BCKDK: variants seen among roughly 807,000 people sequenced by gnomAD.
BCKDK encodes branched chain keto acid dehydrogenase kinase, also known as branched-chain alpha-ketoacid dehydrogenase kinase.
BCKDK carries 28 observed loss-of-function variants against 43.9 expected under a neutral mutation model. The ratio of observed to expected loss-of-function variants is 0.64; its 90% CI spans 0.47 to 0.87. BCKDK has a LOEUF of 0.87. BCKDK is among the 40% of genes least tolerant of loss of function. The pLI is 0.00. For synonymous variants in BCKDK, 257 were observed against 234.3 expected, an observed-to-expected ratio of 1.10 and a Z score of -0.88; for missense variants, 483 against 581.4, an observed-to-expected ratio of 0.83 and a Z score of 1.74.
Position 31,110,672 on chromosome 16 carries a change from T to G in BCKDK, c.643-16T>G. On this transcript the variant is annotated splice_polypyrimidine_tract_variant and intron_variant, in intron 7 of 11. Transcript: ENST00000219794. The surrounding 1 kb of genome is among the most constrained non-coding windows in gnomAD (Gnocchi z 5.4). ...GCTAGGGGCGTGGGTAGTCCTGACC[T>G]CCTTTCTCCGGCCAGCCTGACTTTG... The G allele has an allele frequency of 6.2e-7, 1 of 1,613,902 alleles. No homozygotes were observed.
downstream of BCKDK, among the ~76,000 whole-genome samples, chr16:31,117,080 A>T (rs1156357207): frequency 6.6e-6 from 1 of 151,760 alleles, no homozygotes; most frequent in African/African-American, 2.4e-5. Flanking sequence ...GCCTTTAAAA[A>T]GGTTCAGCTG....
Position 31,112,402 on chromosome 16 carries a change from A to C in BCKDK, c.*137A>C. On this transcript the variant is annotated 3_prime_UTR_variant, in exon 12 of 12. Coordinates refer to ENST00000219794, the MANE Select transcript of BCKDK (RefSeq NM_005881.4). The surrounding 1 kb of genome is among the most constrained non-coding windows in gnomAD (Gnocchi z 5.0). ...CAGGGACCCAGACAGATGGACTTAC[A>C]TGGAGCTGGGCACTGCCCTGCCTCA... 8.7e-6 allele frequency: 12 copies of C among 1,380,664 alleles called. No homozygotes were observed. The highest frequency in any genetic ancestry group is 1.2e-5 in the Non-Finnish European group (12 of 999,910). 85.5% of individuals were successfully genotyped at this position (1,380,664 alleles called of 1,614,324 possible). A position where few individuals can be genotyped will look rare whatever the true frequency, so the allele number is the denominator to read the frequency against.
At chr16:31,111,830 A>G (rs1434755955) in intron 10 of BCKDK, 39 bp from the exon 11 acceptor site, 1 of 1,611,354 alleles carries the variant, frequency 6.2e-7, no homozygotes, top group Non-Finnish European at 8.5e-7. Context: ...GTACCCCATC[A>G]AAGCTGAGCC....
rs748108797 is a variant in BCKDK at position 31,109,543 on chromosome 16, C to G, written c.228C>G (p.Leu76=). 4 of 1,614,006 alleles carry G rather than the reference C, an allele frequency of 2.5e-6. No homozygotes were observed. The African/African-American group carries it at 4.0e-5, about 16-fold the overall frequency. The change falls in exon 3 of 12, where the codon CTC becomes CTG. Residue 76 remains leucine (L), a synonymous_variant. Coordinates refer to ENST00000219794, the MANE Select transcript of BCKDK (RefSeq NM_005881.4). The surrounding 1 kb of genome is among the most constrained non-coding windows in gnomAD (Gnocchi z 5.3). ...TCCGCCTAACGCCCACCATGATGCT[C>G]TACGCTGGCCGCTCTCAGGACGGCA... ...PSVRLTPTMM[L]YAGRSQDGSH...
chr16:31,111,101 G>A lies in BCKDK; in HGVS notation c.727G>A (p.Glu243Lys). 1 of 1,614,126 alleles carries A rather than the reference G, an allele frequency of 6.2e-7. No individual in the cohort carries two copies. The highest frequency in any genetic ancestry group is 1.1e-5 in the South Asian group (1 of 91,074). ...CGCTCCTATCCGCAGACGCCTGTGT[G>A]AGCACAAGTATGGCAATGCGCCCCG... ...KWVDFARRLC[E>K]HKYGNAPRVR... The change falls in exon 9 of 12, where the codon GAG (glutamate) becomes AAG (lysine). Residue 243 changes from glutamate (E) to lysine (K), a missense_variant. Coordinates refer to ENST00000219794, the MANE Select transcript of BCKDK (RefSeq NM_005881.4).
rs2057389178 is a variant in BCKDK, at chr16:31,109,304, C to G, written c.81C>G (p.Leu27=). 1 of 1,607,292 alleles carries G rather than the reference C, an allele frequency of 6.2e-7. No individual in the cohort carries two copies. The highest frequency in any genetic ancestry group is 8.5e-7 in the Non-Finnish European group (1 of 1,177,014). The change falls in exon 2 of 12, where the codon CTC becomes CTG. Residue 27 remains leucine (L), a synonymous_variant. Coordinates refer to ENST00000219794, the MANE Select transcript of BCKDK (RefSeq NM_005881.4). This position sits in a 1 kb window ranked among gnomAD's most constrained non-coding sequence, Gnocchi z 5.3. ...LRPLLGPALA[L]RARSTSATDT... ...CCCTCCTGGGACCCGCACTCGCGCT[C>G]CGGGCCCGCTCGACGTCGGCCACCG...
chr16:31,111,493 A>C (rs1002358085), intron 10 of BCKDK, 104 bp downstream of exon 10: 5 of 1,294,356 alleles, frequency 3.9e-6, no homozygotes, highest in Non-Finnish European at 5.5e-6. Context: ...CCATTCTGGG[A>C]CTTGGTCCCT....
downstream of BCKDK, chr16:31,117,403 A>T (rs889878541): frequency 1.2e-4 from 35 of 284,318 alleles, no homozygotes; most frequent in Middle Eastern, 1.0e-3. Context: ...TAAATAAATT[A>T]AAAAAAGGTT....
rs2057384060 is a variant in BCKDK at position 31,108,634 on chromosome 16, G to C, written c.-178+155G>C. 6.6e-6 allele frequency: 1 copy of C among 152,424 alleles called. No homozygotes were observed. The highest frequency in any genetic ancestry group is 1.5e-5 in the Non-Finnish European group (1 of 68,206). The allele number at this position is 152,424 out of a possible 1,614,324, so 9.4% of individuals were successfully genotyped here. A position where few individuals can be genotyped will look rare whatever the true frequency, so the allele number is the denominator to read the frequency against. On this transcript the variant is annotated intron_variant, in intron 1 of 11. Coordinates refer to ENST00000219794, the MANE Select transcript of BCKDK (RefSeq NM_005881.4). This position sits in a 1 kb window ranked among gnomAD's most constrained non-coding sequence, Gnocchi z 6.2. Reference sequence around the variant, plus strand: ...GTGACCCGCGTGGGGGGTCCCGCTGGGGACTCCGTGCCGCACCCTCCCAAG... The same window carrying C: ...GTGACCCGCGTGGGGGGTCCCGCTGCGGACTCCGTGCCGCACCCTCCCAAG...
At chr16:31,114,290 A>ACCCCCCCCCCCCCC (rs144629484), downstream of BCKDK, among the ~76,000 whole-genome samples, 1 of 111,840 alleles carries the variant, frequency 8.9e-6, no homozygotes, top group Non-Finnish European at 1.8e-5. Context: ...CCTCCGCCCC[A>ACCCCCCCCCCCCCC]CCCCCCCCCA....
chr16:31,112,620 T>G lies in BCKDK; in HGVS notation c.*355T>G, dbSNP rs976571183. ...GGTGAACTTTTGTTTCTGCCCCCATTCAGGTTCACTGAGCCCTTGGGTTGA... is the reference window on the plus strand; with the variant it reads ...GGTGAACTTTTGTTTCTGCCCCCATGCAGGTTCACTGAGCCCTTGGGTTGA... On this transcript the variant is annotated 3_prime_UTR_variant, in exon 12 of 12. Coordinates refer to ENST00000219794, the MANE Select transcript of BCKDK (RefSeq NM_005881.4). This position sits in a 1 kb window ranked among gnomAD's most constrained non-coding sequence, Gnocchi z 5.0. 44 of 400,068 alleles carry G rather than the reference T, an allele frequency of 1.1e-4. No homozygotes were observed. Among genetic ancestry groups the G allele is most frequent in the Non-Finnish European group, 2.1e-4 (43 of 209,540 alleles). 24.8% of individuals were successfully genotyped at this position (400,068 alleles called of 1,614,324 possible). A position where few individuals can be genotyped will look rare whatever the true frequency, so the allele number is the denominator to read the frequency against.
Position 31,111,849 on chromosome 16 carries a change from T to G in BCKDK, c.936-20T>G. The stretch of plus-strand genomic sequence containing the variant: ...CCCATCAAAGCTGAGCCAAGCCCAT[T>G]GTTGTTGCCATCTTGCTAGGATCTC... On this transcript the variant is annotated intron_variant, in intron 10 of 11. Transcript: ENST00000219794. 6.2e-7 allele frequency: 1 copy of G among 1,613,772 alleles called. No individual in the cohort carries two copies. The highest frequency in any genetic ancestry group is 8.5e-7 in the Non-Finnish European group (1 of 1,179,846).
chr16:31,110,810 G>T lies in BCKDK; in HGVS notation c.716+49G>T. On this transcript the variant is annotated intron_variant, in intron 8 of 11. Coordinates refer to ENST00000219794, the MANE Select transcript of BCKDK (RefSeq NM_005881.4). The surrounding 1 kb of genome is among the most constrained non-coding windows in gnomAD (Gnocchi z 5.4). ...GTGGGCAGACATCTGGGGCAGGGAA[G>T]GCTTGGGTCTGAGCCCTTGCCCGGG... 1 of 1,589,914 alleles carries T rather than the reference G, an allele frequency of 6.3e-7. No individual in the cohort carries two copies.
At chr16:31,113,154 C>G (rs555144798), downstream of BCKDK, among the ~76,000 whole-genome samples, 3 of 152,344 alleles carry the variant, frequency 2.0e-5, no homozygotes, top group Admixed American at 1.3e-4. Flanking sequence ...GAACACCCTA[C>G]CCACCTTGCC....
In BCKDK at chr16:31,112,242, C is replaced by G. The variant is rs756353382; in HGVS notation, c.1216C>G (p.Arg406Gly). Residue 406 changes from arginine (R) to glycine (G), a missense_variant, in exon 12 of 12, where the codon CGG becomes GGG. Transcript: ENST00000219794. This position sits in a 1 kb window ranked among gnomAD's most constrained non-coding sequence, Gnocchi z 5.0. ...VYLRLRHIDG[R>G]EESFRI ...CCTGCGGCTCCGCCACATCGATGGC[C>G]GGGAGGAAAGCTTCCGGATCTGACC... 8.7e-6 allele frequency: 14 copies of G among 1,610,398 alleles called. No homozygotes were observed. In the Admixed American group the frequency reaches 2.3e-4, roughly 27 times the overall value.
In BCKDK at chr16:31,111,334, A is replaced by G. The variant is rs1173848029; in HGVS notation, c.880A>G (p.Asn294Asp). The change falls in exon 10 of 12, where the codon AAT becomes GAT. Residue 294 changes from asparagine to aspartate, a missense_variant. Coordinates refer to ENST00000219794, the MANE Select transcript of BCKDK (RefSeq NM_005881.4). ...TMESHLDTPY[N>D]VPDVVITIAN... ...GGAGAGTCACCTAGACACTCCCTAC[A>G]ATGTCCCAGATGTGGTCATCACCAT... 1 of 1,614,094 alleles carries G rather than the reference A, an allele frequency of 6.2e-7. No individual in the cohort carries two copies. The highest frequency in any genetic ancestry group is 1.7e-5 in the Admixed American group (1 of 60,000).
chr16:31,115,108 A>G (rs1197265896), downstream of BCKDK, among the ~76,000 whole-genome samples: 1 of 151,656 alleles, frequency 6.6e-6, no homozygotes, highest in Non-Finnish European at 1.5e-5. Context: ...TTTTCAGTAG[A>G]GACGGGGTTT....
chr16:31,113,853 A>G (rs1383906691), downstream of BCKDK, among the ~76,000 whole-genome samples: 1 of 152,076 alleles, frequency 6.6e-6, no homozygotes, highest in Non-Finnish European at 1.5e-5. Flanking sequence ...ATTTCTTAAG[A>G]AAGTGCTCCC....
rs2057420143 is a variant in BCKDK at position 31,112,312 on chromosome 16, C to G, written c.*47C>G. The G allele has an allele frequency of 6.2e-7, 1 of 1,601,488 alleles. No homozygotes were observed. The highest frequency in any genetic ancestry group is 1.3e-5 in the African/African-American group (1 of 75,054). On this transcript the variant is annotated 3_prime_UTR_variant, in exon 12 of 12. Transcript: ENST00000219794. The surrounding 1 kb of genome is among the most constrained non-coding windows in gnomAD (Gnocchi z 5.0). ...CACCCGACCAGCCTGGGCCGCATTCCCTGCAGGACCTCCCGGGTCAGGCAG... is the reference window on the plus strand; with the variant it reads ...CACCCGACCAGCCTGGGCCGCATTCGCTGCAGGACCTCCCGGGTCAGGCAG...
Sources: allele counts gnomAD v4.1 joint callset (sites outside exome capture counted in the v4.1 genomes callset), GRCh38; gene constraint gnomAD v4.1.1; non-coding constraint Gnocchi (gnomAD v3.1); transcripts MANE v1.5; gene names NCBI Gene and HGNC (gene_info 2026-07-23, HGNC 2026-07-21).